The following C6orf89 variants were observed in gnomAD, a reference collection of about 807,000 sequenced individuals.
C6orf89 encodes the protein bombesin receptor-activated protein C6orf89.
In C6orf89, 29 loss-of-function variants were observed where a neutral mutation model predicts 40.7. The observed-to-expected ratio is 0.71, with a 90% CI of 0.53 to 0.97. C6orf89 has a LOEUF of 0.97. Ranked by LOEUF, C6orf89 falls within the 50% of genes least tolerant of loss-of-function variation. C6orf89 has a pLI of 0.00. For missense variants in C6orf89, 392 were observed against 429.1 expected, an observed-to-expected ratio of 0.91 and a Z score of 0.76; for synonymous variants, 165 against 152.2, an observed-to-expected ratio of 1.08 and a Z score of -0.62.
intron 6 of C6orf89, among the ~76,000 whole-genome samples, chr6:36,915,420 G>A (rs750959954): frequency 1.3e-5 from 2 of 152,148 alleles, no homozygotes; most frequent in South Asian, 4.1e-4. Flanking sequence ...AAGTAGGAAT[G>A]ATTGTTGTCA....
At chr6:36,895,666 C>G (rs1391332911) in intron 2 of C6orf89, among the ~76,000 whole-genome samples, 2 of 152,202 alleles carry the variant, frequency 1.3e-5, no homozygotes, top group Admixed American at 6.5e-5. Context: ...CATATTGTAT[C>G]ATGTATCAGT....
At chr6:36,882,330 T>C (rs949366553), upstream of C6orf89, among the ~76,000 whole-genome samples, 4 of 152,250 alleles carry the variant, frequency 2.6e-5, no homozygotes, top group African/African-American at 9.6e-5. Context: ...TAAAATTGTT[T>C]AAATATACAA....
chr6:36,895,652 C>T (rs904827780), intron 2 of C6orf89, among the ~76,000 whole-genome samples: 1 of 152,190 alleles, frequency 6.6e-6, no homozygotes, highest in African/African-American at 2.4e-5. Context: ...TTTCAAGGTT[C>T]ATCCATATTG....
intron 4 of C6orf89, among the ~76,000 whole-genome samples, chr6:36,908,687 CAA>C (rs1214088308): frequency 6.6e-6 from 1 of 152,110 alleles, no homozygotes; most frequent in Non-Finnish European, 1.5e-5. Flanking sequence ...GCTGCTGAAA[CAA>C]AGCATCACAG....
At chr6:36,885,305 T>A (rs1009553745), upstream of C6orf89, among the ~76,000 whole-genome samples, 2 of 152,232 alleles carry the variant, frequency 1.3e-5, no homozygotes, top group African/African-American at 2.4e-5. Context: ...CCAACCTCAC[T>A]GTTTCTGTAC....
upstream of C6orf89, among the ~76,000 whole-genome samples, chr6:36,885,104 C>G (rs968315143): frequency 2.6e-5 from 4 of 152,190 alleles, no homozygotes; most frequent in Non-Finnish European, 4.4e-5. Context: ...GGACTCTGTC[C>G]TTCTATATTT....
chr6:36,900,287 C>T (rs370329698), intron 3 of C6orf89, among the ~76,000 whole-genome samples: 76 of 146,430 alleles, frequency 5.2e-4, no homozygotes, highest in African/African-American at 1.8e-3. Context: ...CTGCAACCTC[C>T]GCCTCCCAGG....
At chr6:36,894,651 C>T in intron 2 of C6orf89, 48 bp downstream of exon 2, 1 of 677,084 alleles carries the variant, frequency 1.5e-6, no homozygotes, top group Non-Finnish European at 1.8e-6. Flanking sequence ...CACTTGGGTT[C>T]ACATCCTGGC....
chr6:36,922,602 T>G (rs957952482), intron 8 of C6orf89, among the ~76,000 whole-genome samples: 1 of 152,210 alleles, frequency 6.6e-6, no homozygotes, highest in African/African-American at 2.4e-5. Context: ...GTCTTGTTGA[T>G]GCATAGTACA....
At chr6:36,907,760 C>T (rs966473871) in intron 4 of C6orf89, among the ~76,000 whole-genome samples, 7 of 152,128 alleles carry the variant, frequency 4.6e-5, no homozygotes, top group Admixed American at 6.5e-5. Flanking sequence ...ATATAATTTA[C>T]GCTGACTTTT....
intron 1 of C6orf89, 70 bp downstream of exon 1, chr6:36,886,098 G>T: frequency 1.7e-6 from 2 of 1,207,836 alleles, no homozygotes; most frequent in South Asian, 3.5e-5. Flanking sequence ...GCCCGTCTCT[G>T]ACATCCTCGC....
rs1159632425 is a variant in C6orf89, at chr6:36,885,960, G to A, written c.-188G>A. 5.0e-5 allele frequency: 63 copies of A among 1,268,092 alleles called. No individual in the cohort carries two copies. The highest frequency in any genetic ancestry group is 6.3e-5 in the Non-Finnish European group (63 of 1,002,836). 78.6% of individuals were successfully genotyped at this position (1,268,092 alleles called of 1,614,324 possible). On this transcript the variant is annotated 5_prime_UTR_variant, in exon 1 of 9. Transcript: ENST00000480824. ...GTCGCGCTCCCGGAAACAGGAAGTTGCCCATCCTCCTCGCCCGGCGGCAGC... is the reference window on the plus strand; with the variant it reads ...GTCGCGCTCCCGGAAACAGGAAGTTACCCATCCTCCTCGCCCGGCGGCAGC...
At chr6:36,897,479 G>A (rs1325942065) in intron 2 of C6orf89, among the ~76,000 whole-genome samples, 11 of 152,222 alleles carry the variant, frequency 7.2e-5, no homozygotes. Flanking sequence ...TGTTGTTCAA[G>A]TCTCAACTGT....
chr6:36,921,404 A>T (rs1762504829), intron 8 of C6orf89, among the ~76,000 whole-genome samples: 1 of 152,188 alleles, frequency 6.6e-6, no homozygotes, highest in African/African-American at 2.4e-5. Flanking sequence ...GAATGGCACC[A>T]TGACATGCAA....
chr6:36,903,774 T>C (rs979248445), intron 4 of C6orf89, among the ~76,000 whole-genome samples: 36 of 152,154 alleles, frequency 2.4e-4, no homozygotes, highest in African/African-American at 8.7e-4. Flanking sequence ...GAGGAAGTCA[T>C]GGAAAGGTTT....
chr6:36,909,612 C>T (rs1762048440), intron 4 of C6orf89, among the ~76,000 whole-genome samples: 1 of 151,766 alleles, frequency 6.6e-6, no homozygotes, highest in African/African-American at 2.4e-5. Context: ...GAAACCCTAG[C>T]TCTACAAAAA....
In C6orf89 at chr6:36,920,064, C is replaced by T. The variant is rs113999099; in HGVS notation, c.949+363C>T. Among the ~76,000 whole-genome samples, 884 of 152,256 alleles carry T rather than the reference C, an allele frequency of 5.8e-3. 7 individuals are homozygous for T. The highest frequency in any genetic ancestry group is 0.019 in the African/African-American group (797 of 41,542). On this transcript the variant is annotated intron_variant, in intron 8 of 8. Coordinates refer to ENST00000480824, the MANE Select transcript of C6orf89 (RefSeq NM_001286635.2). Reference sequence around the variant, plus strand: ...AGGCCCCACTGTCAGTCGAGCAGAGCGTCAGGTCTTAAGTGCCTGCTTGAA... The same window carrying T: ...AGGCCCCACTGTCAGTCGAGCAGAGTGTCAGGTCTTAAGTGCCTGCTTGAA...
chr6:36,887,236 T>C (rs1423481674), intron 1 of C6orf89, among the ~76,000 whole-genome samples: 2 of 152,022 alleles, frequency 1.3e-5, no homozygotes, highest in African/African-American at 4.8e-5. Context: ...TGCCTCAGGC[T>C]CCCGACCTCT....
At chr6:36,896,835 T>G (rs1761446956) in intron 2 of C6orf89, among the ~76,000 whole-genome samples, 1 of 151,976 alleles carries the variant, frequency 6.6e-6, no homozygotes, top group Admixed American at 6.6e-5. Context: ...TTGTGTATAG[T>G]ATAAAGAAAG....
Sources: allele counts gnomAD v4.1 joint callset (sites outside exome capture counted in the v4.1 genomes callset), GRCh38; gene constraint gnomAD v4.1.1; transcripts MANE v1.5; gene names NCBI Gene and HGNC (gene_info 2026-07-23, HGNC 2026-07-21).